The following PDHA1 variants were observed in gnomAD, a reference collection of about 807,000 sequenced individuals.
The protein encoded by PDHA1 is pyruvate dehydrogenase E1 component subunit alpha, somatic form, mitochondrial.
Under a neutral mutation model 33.0 loss-of-function variants are expected in PDHA1, and 1 was observed. The observed-to-expected ratio is 0.03, with a 90% CI of 0.01 to 0.14. PDHA1 has a LOEUF of 0.14. Ranked by LOEUF, PDHA1 falls within the 10% of genes least tolerant of loss-of-function variation. The pLI is 1.00. For missense variants in PDHA1, 168 were observed against 325.1 expected, an observed-to-expected ratio of 0.52 and a Z score of 3.72; for synonymous variants, 123 against 119.2, an observed-to-expected ratio of 1.03 and a Z score of -0.21.
chrX:19,355,072 T>C (rs1055817661), intron 6 of PDHA1, among the ~76,000 whole-genome samples: 1 of 112,422 alleles, frequency 8.9e-6, no homozygotes, highest in African/African-American at 3.2e-5. Flanking sequence ...AGATTTCATA[T>C]TGATCTTTTT....
At position 19,357,537 on chromosome X, in the gene PDHA1, T is replaced by A; in HGVS notation, c.832-115T>A. On this transcript the variant is annotated intron_variant, in intron 8 of 10. Coordinates refer to ENST00000422285, the MANE Select transcript of PDHA1 (RefSeq NM_000284.4). ...GAAATTCGTGACAACTCAGAAGATC[T>A]GATAAGACTACACTGGACGCTTAAT... The A allele has an allele frequency of 8.3e-6, 5 of 599,422 alleles. No individual in the cohort carries two copies. In the South Asian group the frequency reaches 1.1e-4, roughly 13 times the overall value. 49.4% of individuals were successfully genotyped at this position (599,422 alleles called of 1,213,427 possible).
intron 10 of PDHA1, 147 bp from the exon 11 acceptor site, chrX:19,359,342 A>T (rs2147188475): frequency 3.7e-6 from 2 of 534,161 alleles, no homozygotes; most frequent in East Asian, 6.6e-5. Context: ...ACACCCTAGA[A>T]ATCTGTATTC....
chrX:19,357,015 C>T (rs1220176604), intron 8 of PDHA1, among the ~76,000 whole-genome samples: 1 of 112,413 alleles, frequency 8.9e-6, no homozygotes, highest in Non-Finnish European at 1.9e-5. Flanking sequence ...AACTTTGTTA[C>T]ACACTAGCAA....
intron 3 of PDHA1, 34 bp from the exon 4 acceptor site, chrX:19,351,247 T>C (rs746433668): frequency 8.4e-7 from 1 of 1,196,653 alleles, no homozygotes; most frequent in South Asian, 1.8e-5. Flanking sequence ...ACATGTATCA[T>C]ATTGCCTCAT....
At chrX:19,347,621 G>A (rs1002526264) in intron 1 of PDHA1, among the ~76,000 whole-genome samples, 2 of 112,310 alleles carry the variant, frequency 1.8e-5, no homozygotes, top group African/African-American at 6.5e-5. Context: ...TGGCTGGTTT[G>A]GACTCCTGCC....
At chrX:19,344,288 A>G (rs1243559834) in intron 1 of PDHA1, among the ~76,000 whole-genome samples, 194 bp downstream of exon 1, 2 of 112,957 alleles carry the variant, frequency 1.8e-5, no homozygotes, top group African/African-American at 3.2e-5. Context: ...GATCACGCCA[A>G]GGTCCGTGTG....
chrX:19,345,203 C>A (rs1000523769), intron 1 of PDHA1, among the ~76,000 whole-genome samples: 2 of 110,919 alleles, frequency 1.8e-5, no homozygotes, highest in African/African-American at 6.6e-5. Flanking sequence ...GGACTTGATA[C>A]CGCTCTACTT....
rs1404371987 is a variant in PDHA1 at position 19,351,065 on chromosome X, A to G, written c.292-216A>G. Among the ~76,000 whole-genome samples the G allele has an allele frequency of 3.6e-5, 4 of 111,997 alleles. No homozygotes were observed. The Admixed American group carries it at 3.8e-4, about 11-fold the overall frequency. ...ATGTAGGCTTTTCTTTTAGGTCATC[A>G]TACAGGAGAAAGGAAGGAAGTGGCA... On this transcript the variant is annotated intron_variant, in intron 3 of 10. Coordinates refer to ENST00000422285, the MANE Select transcript of PDHA1 (RefSeq NM_000284.4).
chrX:19,358,272 G>A (rs1454071642), intron 9 of PDHA1, among the ~76,000 whole-genome samples: 3 of 112,530 alleles, frequency 2.7e-5, no homozygotes, highest in Non-Finnish European at 5.6e-5. Flanking sequence ...ATAAGCCTTT[G>A]TAGAGTGGAC....
rs2063232353 is a variant in PDHA1 at position 19,358,941 on chromosome X, G to C, written c.925G>C (p.Glu309Gln). 8.4e-7 allele frequency: 1 copy of C among 1,184,946 alleles called. No homozygotes were observed. The stretch of plus-strand genomic sequence containing the variant: ...TTACCGTACACGAGAAGAAATTCAG[G>C]AAGTAAGAAGTAAGAGTGACCCTAT... ...VSYRTREEIQEVRSKSDPIML... is the reference protein window; with the variant it reads ...VSYRTREEIQQVRSKSDPIML... Residue 309 changes from glutamate (E) to glutamine (Q), a missense_variant, in exon 10 of 11, where the codon GAA (glutamate) becomes CAA (glutamine). Physicochemically the swap from Glu to Gln is conservative, Grantham distance 29. Transcript: ENST00000422285.
intron 1 of PDHA1, among the ~76,000 whole-genome samples, chrX:19,345,434 G>A (rs1289385833): frequency 2.8e-5 from 3 of 109,027 alleles, no homozygotes; most frequent in Non-Finnish European, 3.8e-5. Flanking sequence ...GCCGGTCGTG[G>A]TGGCGGGCTC....
At chrX:19,351,505 TAA>T in intron 4 of PDHA1, 98 bp downstream of exon 4, 1 of 813,983 alleles carries the variant, frequency 1.2e-6, no homozygotes, top group Non-Finnish European at 1.8e-6. Context: ...TTAAAAATTT[TAA>T]GTTTCTTTTT....
chrX:19,351,334 C>A lies in PDHA1; in HGVS notation c.345C>A (p.Ile115=). The part of the protein sequence containing the change: ...EAGINPTDHL[I]TAYRAHGFTF... Reference sequence around the variant, plus strand: ...GCATCAACCCCACAGACCATCTCATCACAGCCTACCGGGCTCACGGCTTTA... The same window carrying A: ...GCATCAACCCCACAGACCATCTCATAACAGCCTACCGGGCTCACGGCTTTA... Residue 115 remains isoleucine, a synonymous_variant, in exon 4 of 11, where the codon ATC becomes ATA. Transcript: ENST00000422285. 1.7e-6 allele frequency: 2 copies of A among 1,207,365 alleles called. No individual in the cohort carries two copies. Among genetic ancestry groups the A allele is most frequent in the Non-Finnish European group, 1.1e-6 (1 of 891,403 alleles).
intron 9 of PDHA1, among the ~76,000 whole-genome samples, chrX:19,357,942 T>TAAAG (rs760098842): frequency 1.0e-3 from 112 of 112,322 alleles, no homozygotes; most frequent in African/African-American, 3.2e-3. Context: ...CAGCAATTTT[T>TAAAG]AAAGAAAGAG....
At chrX:19,358,714 GC>G in intron 9 of PDHA1, among the ~76,000 whole-genome samples, 1 of 112,000 alleles carries the variant, frequency 8.9e-6, no homozygotes, top group East Asian at 2.8e-4. Flanking sequence ...ATGTTAGGCT[GC>G]GTTCTGGTAT....
At chrX:19,359,241 G>A (rs1275764364) in intron 10 of PDHA1, among the ~76,000 whole-genome samples, 1 of 111,728 alleles carries the variant, frequency 9.0e-6, no homozygotes, top group East Asian at 2.8e-4. Context: ...TTGGTGGACT[G>A]TGAACCACCA....
At position 19,355,776 on chromosome X, in the gene PDHA1, C is replaced by G. The variant is rs1367225150; in HGVS notation, c.831+19C>G. The G allele has an allele frequency of 8.8e-7, 1 of 1,139,061 alleles. No homozygotes were observed. The highest frequency in any genetic ancestry group is 1.2e-6 in the Non-Finnish European group (1 of 830,545). 93.9% of individuals were successfully genotyped at this position (1,139,061 alleles called of 1,213,427 possible). A position where few individuals can be genotyped will look rare whatever the true frequency, so the allele number is the denominator to read the frequency against. Reference sequence around the variant, plus strand: ...TGGGAAGGTAAGGCTCTAAAGCCCTCTGGGCTAGTGACATTTATCTCTGGA... The same window carrying G: ...TGGGAAGGTAAGGCTCTAAAGCCCTGTGGGCTAGTGACATTTATCTCTGGA... On this transcript the variant is annotated intron_variant, in intron 8 of 10. Coordinates refer to ENST00000422285, the MANE Select transcript of PDHA1 (RefSeq NM_000284.4).
intron 8 of PDHA1, 47 bp from the exon 9 acceptor site, chrX:19,357,605 C>CCAGT: frequency 1.9e-6 from 2 of 1,060,421 alleles, no homozygotes. Flanking sequence ...GCCTGTTCTT[C>CCAGT]CAGTCATCGT....
Position 19,351,818 on chromosome X carries a change from A to ATTTTTTT in PDHA1, c.418+411_418+412insTTTTTTT, listed in dbSNP as rs2063164889. On this transcript the variant is annotated intron_variant, in intron 4 of 10. Coordinates refer to ENST00000422285, the MANE Select transcript of PDHA1 (RefSeq NM_000284.4). ...TGGTTTTTTTTTTTTTTTTTTTTTG[A>ATTTTTTT]GACTGTGTCTCACTCCGTTGTCCAG... Among the ~76,000 whole-genome samples the ATTTTTTT allele has an allele frequency of 7.6e-4, 29 of 38,236 alleles. No individual in the cohort carries two copies. The African/African-American group carries it at 0.011, about 14-fold the overall frequency. 33.2% of individuals were successfully genotyped at this position (38,236 alleles called of 115,157 possible).
Sources: gnomAD v4.1 joint callset for allele counts (sites outside exome capture counted in the v4.1 genomes callset) on GRCh38, gnomAD v4.1.1 for gene constraint, MANE v1.5 for transcripts, NCBI Gene and HGNC (gene_info 2026-07-23, HGNC 2026-07-21) for gene names.